The following NEK11 variants were observed in gnomAD, a reference collection of about 807,000 sequenced individuals.
NEK11 encodes the protein serine/threonine-protein kinase Nek11.
NEK11 carries 72 observed loss-of-function variants against 80.7 expected under a neutral mutation model. The ratio of observed to expected loss-of-function variants is 0.89; its 90% CI spans 0.74 to 1.08. NEK11 has a LOEUF of 1.08. Ranked by LOEUF, NEK11 falls within the 50% of genes least tolerant of loss-of-function variation. The probability of loss-of-function intolerance (pLI) is 0.00; values close to 1 mark genes in which losing one functional copy is unlikely to be tolerated. For missense variants in NEK11, 764 were observed against 763.6 expected, an observed-to-expected ratio of 1.00 and a Z score of -0.01; for synonymous variants, 251 against 260.7, an observed-to-expected ratio of 0.96 and a Z score of 0.36.
intron 17 of NEK11, chr3:131,325,372 T>C (rs915728994): frequency 6.6e-6 from 1 of 152,194 alleles, no homozygotes; most frequent in African/African-American, 2.4e-5. Flanking sequence ...TACTTGTGTA[T>C]ATATAGTAAA....
chr3:131,127,066 A>G (rs1433373063), intron 5 of NEK11, among the ~76,000 whole-genome samples: 1 of 148,180 alleles, frequency 6.7e-6, no homozygotes, highest in Non-Finnish European at 1.5e-5. Flanking sequence ...CCCATGTTCA[A>G]GCAATTATCC....
At chr3:131,201,235 A>G (rs2094214625) in intron 14 of NEK11, among the ~76,000 whole-genome samples, 1 of 149,650 alleles carries the variant, frequency 6.7e-6, no homozygotes, top group African/African-American at 2.4e-5. Flanking sequence ...ATATGAAACT[A>G]TAAAGAAAAG....
chr3:131,250,036 AAGAT>A (rs1388978354), intron 16 of NEK11, among the ~76,000 whole-genome samples: 8 of 152,108 alleles, frequency 5.3e-5, no homozygotes, highest in Non-Finnish European at 7.4e-5. Flanking sequence ...AAAATTCTAA[AAGAT>A]AGCAGAGAAA....
chr3:131,227,787 A>G (rs945486677), intron 14 of NEK11, among the ~76,000 whole-genome samples: 1 of 152,022 alleles, frequency 6.6e-6, no homozygotes, highest in Non-Finnish European at 1.5e-5. Flanking sequence ...CTTTCTTGTG[A>G]TCCATTCATG....
chr3:131,318,994 A>G (rs1339150826), intron 17 of NEK11, among the ~76,000 whole-genome samples: 1 of 151,854 alleles, frequency 6.6e-6, no homozygotes, highest in East Asian at 1.9e-4. Context: ...ATAATATAAT[A>G]TTGTACTCTT....
chr3:131,119,541 T>C (rs1209748453), intron 5 of NEK11, among the ~76,000 whole-genome samples: 2 of 152,110 alleles, frequency 1.3e-5, no homozygotes, highest in East Asian at 1.9e-4. Context: ...CTTTCTGTCT[T>C]GTTGTTCTGC....
chr3:131,225,994 TAAAG>T (rs1203256664), intron 14 of NEK11, among the ~76,000 whole-genome samples: 1 of 151,714 alleles, frequency 6.6e-6, no homozygotes, highest in African/African-American at 2.4e-5. Context: ...GGAATGAAGA[TAAAG>T]AAAAAATGGG....
At chr3:131,180,169 C>T (rs1400838980) in intron 14 of NEK11, among the ~76,000 whole-genome samples, 2 of 152,172 alleles carry the variant, frequency 1.3e-5, no homozygotes, top group Non-Finnish European at 2.9e-5. Context: ...TTGAAAATTA[C>T]TTCCTTGCAA....
intron 3 of NEK11, among the ~76,000 whole-genome samples, chr3:131,070,166 G>A (rs1443929242): frequency 2.0e-5 from 3 of 152,096 alleles, no homozygotes; most frequent in Non-Finnish European, 2.9e-5. Flanking sequence ...TGCATAAGTA[G>A]GATCTTTGCT....
At chr3:131,164,996 TG>T (rs1397639904) in intron 11 of NEK11, among the ~76,000 whole-genome samples, 5 of 152,206 alleles carry the variant, frequency 3.3e-5, no homozygotes. Context: ...AAAATTCCCC[TG>T]CGCAATGACT....
chr3:131,349,627 C>T lies in NEK11; in HGVS notation c.1789C>T (p.Gln597Ter). Reference sequence around the variant, plus strand: ...TAATTACCTCAAGAGAGCAAGGCATCAGAATGCTAGCGAAGCAGAGATCCG... The same window carrying T: ...TAATTACCTCAAGAGAGCAAGGCATTAGAATGCTAGCGAAGCAGAGATCCG... ...VYNYLKRARH[Q>*]NASEAEIREC... Residue 597 changes from glutamine (Q) to a stop codon, truncating the protein, a stop_gained, in exon 18 of 18, where the codon CAG (glutamine) becomes TAG (stop). Coordinates refer to ENST00000383366, the MANE Select transcript of NEK11 (RefSeq NM_024800.5). LOFTEE classifies it low-confidence loss of function (END_TRUNC). 1 of 1,614,140 alleles carries T rather than the reference C, an allele frequency of 6.2e-7. No individual in the cohort carries two copies. Among genetic ancestry groups the T allele is most frequent in the Non-Finnish European group, 8.5e-7 (1 of 1,180,008 alleles).
chr3:131,168,747 C>A, intron 12 of NEK11, 83 bp from the exon 13 acceptor site: 2 of 857,576 alleles, frequency 2.3e-6, no homozygotes, highest in Non-Finnish European at 1.8e-6. Context: ...AGAAAATGGG[C>A]CTCCTGAAAG....
intron 3 of NEK11, among the ~76,000 whole-genome samples, chr3:131,069,551 G>A (rs958696937): frequency 2.6e-5 from 4 of 151,900 alleles, no homozygotes; most frequent in East Asian, 1.9e-4. Context: ...GGCATTATTC[G>A]CAATAGCAAA....
chr3:131,211,557 G>A (rs2094615535), intron 14 of NEK11, among the ~76,000 whole-genome samples: 1 of 152,218 alleles, frequency 6.6e-6, no homozygotes, highest in African/African-American at 2.4e-5. Context: ...ATATCCTGCA[G>A]AGTGTTTTCC....
intron 17 of NEK11, among the ~76,000 whole-genome samples, chr3:131,338,500 C>T (rs938292666): frequency 1.3e-5 from 2 of 151,956 alleles, no homozygotes; most frequent in Non-Finnish European, 2.9e-5. Context: ...AGGTATTTAT[C>T]CAAGTCAAGT....
chr3:131,274,633 T>A (rs1337710014), intron 17 of NEK11, among the ~76,000 whole-genome samples: 3 of 44,414 alleles, frequency 6.8e-5, no homozygotes, highest in Non-Finnish European at 1.2e-4. Context: ...GTTTCCTGAC[T>A]TTTTTTTTTT....
chr3:131,174,851 G>T, intron 14 of NEK11: 2 of 1,580,856 alleles, frequency 1.3e-6, no homozygotes, highest in South Asian at 2.3e-5. Context: ...CAAGGAGCAT[G>T]ACTCCCTACC....
chr3:131,163,164 G>C (rs2091845478), intron 11 of NEK11, among the ~76,000 whole-genome samples: 1 of 152,118 alleles, frequency 6.6e-6, no homozygotes, highest in Non-Finnish European at 1.5e-5. Flanking sequence ...AGCCATTATG[G>C]AAAAATAGCA....
intron 17 of NEK11, among the ~76,000 whole-genome samples, chr3:131,283,424 C>T (rs1408370818): frequency 1.3e-5 from 2 of 152,056 alleles, no homozygotes; most frequent in East Asian, 3.9e-4. Context: ...TGTCTGCTGT[C>T]ATATTTTATG....
Sources: gnomAD v4.1 joint callset for allele counts (sites outside exome capture counted in the v4.1 genomes callset) on GRCh38, gnomAD v4.1.1 for gene constraint, MANE v1.5 for transcripts, NCBI Gene and HGNC (gene_info 2026-07-23, HGNC 2026-07-21) for gene names.